The following GPATCH2 variants were observed in gnomAD, a reference collection of about 807,000 sequenced individuals.
GPATCH2 encodes the protein G-patch domain containing 2.
GPATCH2 carries 51 observed loss-of-function variants against 58.0 expected under a neutral mutation model. That is an observed-to-expected ratio of 0.88 (90% CI 0.70 to 1.11). The LOEUF is 1.11. GPATCH2 is among the 50% of genes most tolerant of loss of function. GPATCH2 has a pLI of 0.00. For synonymous variants in GPATCH2, 222 were observed against 218.5 expected (o/e 1.02, Z -0.14); for missense variants, 625 against 652.2 (o/e 0.96, Z 0.45).
At chr1:217,572,674 T>C (rs1666623252) in intron 5 of GPATCH2, among the ~76,000 whole-genome samples, 1 of 152,200 alleles carries the variant, frequency 6.6e-6, no homozygotes, top group Non-Finnish European at 1.5e-5. Context: ...TCTAAAATTC[T>C]CTCACCCTGG....
At chr1:217,556,783 C>A (rs1052511821) in intron 5 of GPATCH2, among the ~76,000 whole-genome samples, 5 of 152,104 alleles carry the variant, frequency 3.3e-5, no homozygotes, top group Non-Finnish European at 7.4e-5. Flanking sequence ...TGCCTTTTTC[C>A]AAAATAGATA....
intron 6 of GPATCH2, among the ~76,000 whole-genome samples, chr1:217,505,114 A>C (rs1662486226): frequency 6.6e-6 from 1 of 152,220 alleles, no homozygotes; most frequent in Admixed American, 6.5e-5. Context: ...AAGAATGGCT[A>C]GGCTCAGAGA....
At chr1:217,622,185 C>T (rs1669220701) in intron 1 of GPATCH2, among the ~76,000 whole-genome samples, 1 of 152,128 alleles carries the variant, frequency 6.6e-6, no homozygotes, top group Admixed American at 6.6e-5. Context: ...ACCCAAATGA[C>T]TCGTAGGTAG....
At chr1:217,487,665 T>A (rs545895579) in intron 8 of GPATCH2, among the ~76,000 whole-genome samples, 7 of 152,026 alleles carry the variant, frequency 4.6e-5, no homozygotes, top group Non-Finnish European at 1.0e-4. Flanking sequence ...ACCTCAGGTG[T>A]CCGCCCACCT....
chr1:217,464,614 T>C (rs894977615), intron 8 of GPATCH2, among the ~76,000 whole-genome samples: 16 of 152,122 alleles, frequency 1.1e-4, no homozygotes, highest in African/African-American at 3.9e-4. Context: ...GGAAAAACAG[T>C]GGAAGTAGAA....
chr1:217,569,811 AC>A (rs1331533466), intron 5 of GPATCH2, among the ~76,000 whole-genome samples: 2 of 152,212 alleles, frequency 1.3e-5, no homozygotes, highest in African/African-American at 4.8e-5. Flanking sequence ...TCAGAATACC[AC>A]AAGGAAGACA....
chr1:217,427,665 T>C lies in GPATCH2; in HGVS notation c.*3480A>G, dbSNP rs942284168. On this transcript the variant is annotated 3_prime_UTR_variant, in exon 10 of 10. Transcript: ENST00000366935. The stretch of plus-strand genomic sequence containing the variant: ...ATGCCAACTTAGATCACTTTTCTTT[T>C]TGAAAGACAAAATACAGGTGAAAAC... 2 of 152,190 alleles carry C rather than the reference T, an allele frequency of 1.3e-5. No homozygotes were observed. The highest frequency in any genetic ancestry group is 2.9e-5 in the Non-Finnish European group (2 of 68,002). 9.4% of individuals were successfully genotyped at this position (152,190 alleles called of 1,614,324 possible).
At chr1:217,460,914 T>C (rs1443226084) in intron 8 of GPATCH2, among the ~76,000 whole-genome samples, 14 of 152,230 alleles carry the variant, frequency 9.2e-5, no homozygotes, top group Admixed American at 9.2e-4. Flanking sequence ...CAAGAGAGTC[T>C]ACAATTTACT....
chr1:217,595,303 A>G (rs1028915662), intron 5 of GPATCH2, among the ~76,000 whole-genome samples: 2 of 152,190 alleles, frequency 1.3e-5, no homozygotes, highest in African/African-American at 4.8e-5. Flanking sequence ...CAAAAGGGGA[A>G]CTCAATCAAA....
chr1:217,571,034 C>A (rs542549156), intron 5 of GPATCH2, among the ~76,000 whole-genome samples: 1 of 152,168 alleles, frequency 6.6e-6, no homozygotes, highest in Non-Finnish European at 1.5e-5. Context: ...AGGTGCTATT[C>A]TTGGCTCCTT....
chr1:217,539,795 C>G (rs1246984578), intron 5 of GPATCH2, among the ~76,000 whole-genome samples: 1 of 152,080 alleles, frequency 6.6e-6, no homozygotes, highest in African/African-American at 2.4e-5. Context: ...ATCGTAATGG[C>G]TATGGTGAGG....
intron 5 of GPATCH2, among the ~76,000 whole-genome samples, chr1:217,522,704 A>G (rs1255450372): frequency 6.6e-6 from 1 of 151,982 alleles, no homozygotes; most frequent in African/African-American, 2.4e-5. Context: ...TAGATTGGCA[A>G]TCTATATATC....
rs1669127631 is a variant in GPATCH2 at position 217,620,404 on chromosome 1, C to T, written c.152G>A (p.Gly51Glu). The T allele has an allele frequency of 2.5e-6, 4 of 1,613,896 alleles. No individual in the cohort carries two copies. The highest frequency in any genetic ancestry group is 3.4e-6 in the Non-Finnish European group (4 of 1,179,974). Residue 51 changes from glycine (G) to glutamate (E), a missense_variant, in exon 2 of 10, where the codon GGA becomes GAA. By Grantham distance (98) the Gly-to-Glu change is moderately conservative. Transcript: ENST00000366935. ...GCAAGATATACTTCGAGAATGGTCT[C>T]CTGTTTCAGCAAATCCACCTCGAGC... ...EQARGGFAET[G>E]DHSRSISCPL...
intron 5 of GPATCH2, among the ~76,000 whole-genome samples, chr1:217,523,863 A>C (rs1663632898): frequency 1.6e-5 from 2 of 126,576 alleles, no homozygotes; most frequent in African/African-American, 3.1e-5. Context: ...TGACCCCCAC[A>C]CCTCCCTCCC....
chr1:217,490,875 G>A (rs916182981), intron 8 of GPATCH2, among the ~76,000 whole-genome samples: 4 of 152,162 alleles, frequency 2.6e-5, no homozygotes, highest in African/African-American at 9.7e-5. Flanking sequence ...TAGGTATGCT[G>A]GGTAGGATTT....
intron 5 of GPATCH2, among the ~76,000 whole-genome samples, chr1:217,594,707 GT>G (rs1191970726): frequency 6.6e-6 from 1 of 152,050 alleles, no homozygotes; most frequent in Non-Finnish European, 1.5e-5. Flanking sequence ...GATTATAATT[GT>G]TATAAAAATA....
chr1:217,609,374 T>C, intron 5 of GPATCH2: 1 of 984,156 alleles, frequency 1.0e-6, no homozygotes, highest in East Asian at 1.1e-4. Context: ...CATGTTTCAT[T>C]AAGCTCTAAA....
intron 9 of GPATCH2, among the ~76,000 whole-genome samples, chr1:217,433,386 T>TATATATATATATATA (rs1558388568): frequency 6.9e-5 from 2 of 29,052 alleles, no homozygotes; most frequent in African/African-American, 2.1e-4. Context: ...ATATATATAT[T>TATATATATATATATA]TATTTATTTA....
chr1:217,534,439 C>T (rs1664364641), intron 5 of GPATCH2, among the ~76,000 whole-genome samples: 1 of 151,932 alleles, frequency 6.6e-6, no homozygotes, highest in South Asian at 2.1e-4. Flanking sequence ...GTAAAAGTTG[C>T]CCATCTTCTT....
Sources: allele counts gnomAD v4.1 joint callset (sites outside exome capture counted in the v4.1 genomes callset), GRCh38; gene constraint gnomAD v4.1.1; transcripts MANE v1.5; gene names NCBI Gene and HGNC (gene_info 2026-07-23, HGNC 2026-07-21).